NCAM2: variants seen among roughly 807,000 people sequenced by gnomAD.
NCAM2 encodes the protein N-CAM-2.
Under a neutral mutation model 98.1 loss-of-function variants are expected in NCAM2, and 30 were observed. The ratio of observed to expected loss-of-function variants is 0.31; its 90% CI spans 0.23 to 0.41. The LOEUF is 0.41. Among genes scored for constraint, NCAM2 ranks in the 10% least tolerant of loss-of-function variants. NCAM2 has a pLI of 1.00. For synonymous variants in NCAM2, 368 were observed against 342.4 expected (o/e 1.07, Z -0.83); for missense variants, 867 against 1,005.8 (o/e 0.86, Z 1.87).
intron 1 of NCAM2, among the ~76,000 whole-genome samples, chr21:21,248,776 CAAAAAAAAAAAAAAAAAAAAA>C (rs1171857115): frequency 2.6e-4 from 13 of 50,680 alleles, no homozygotes; most frequent in East Asian, 9.1e-4. Context: ...GACTCTGTCT[CAAAAAAAAAAAAAAAAAAAAA>C]AAAAAAAAAA....
chr21:21,114,580 G>A (rs1352401352), intron 1 of NCAM2, among the ~76,000 whole-genome samples: 3 of 152,166 alleles, frequency 2.0e-5, no homozygotes, highest in Non-Finnish European at 2.9e-5. Context: ...TAAGTCTAAA[G>A]AGCATGGCAG....
chr21:21,265,971 T>G (rs148735675), intron 1 of NCAM2, among the ~76,000 whole-genome samples: 1 of 152,272 alleles, frequency 6.6e-6, no homozygotes, highest in Non-Finnish European at 1.5e-5. Flanking sequence ...GATGTAATGA[T>G]TGAATGAAAA....
At chr21:21,199,615 A>T (rs2147012773) in intron 1 of NCAM2, among the ~76,000 whole-genome samples, 1 of 152,322 alleles carries the variant, frequency 6.6e-6, no homozygotes, top group South Asian at 2.1e-4. Flanking sequence ...AGTCCCAATC[A>T]ACTTTGAATG....
At chr21:21,085,662 A>G (rs1274958047) in intron 1 of NCAM2, among the ~76,000 whole-genome samples, 1 of 152,122 alleles carries the variant, frequency 6.6e-6, no homozygotes, top group Non-Finnish European at 1.5e-5. Context: ...GAGTGATTAC[A>G]GCTTTTTAAA....
chr21:21,298,778 G>T (rs1476341892), intron 5 of NCAM2, among the ~76,000 whole-genome samples: 1 of 151,548 alleles, frequency 6.6e-6, no homozygotes, highest in Non-Finnish European at 1.5e-5. Flanking sequence ...TACACTTAGT[G>T]TCATAATATC....
chr21:21,276,034 A>G (rs1471816129), intron 1 of NCAM2, among the ~76,000 whole-genome samples: 1 of 152,124 alleles, frequency 6.6e-6, no homozygotes, highest in Non-Finnish European at 1.5e-5. Context: ...TGAACACTTC[A>G]GCCTTACCCA....
At position 21,232,579 on chromosome 21, in the gene NCAM2, C is replaced by T. The variant is rs115495742; in HGVS notation, c.56-47999C>T. On this transcript the variant is annotated intron_variant, in intron 1 of 17. Coordinates refer to ENST00000400546, the MANE Select transcript of NCAM2 (RefSeq NM_004540.5). ...GATTTAGAGTATTTAAAAATACAGC[C>T]AATGATCTTAGGAAAATTTAACTTG... Among the ~76,000 whole-genome samples, 557 of 151,432 alleles carry T rather than the reference C, an allele frequency of 3.7e-3. 4 individuals are homozygous for T. The highest frequency in any genetic ancestry group is 0.012 in the African/African-American group (502 of 41,398).
At chr21:21,425,748 T>A (rs1221241210) in intron 11 of NCAM2, among the ~76,000 whole-genome samples, 1 of 152,092 alleles carries the variant, frequency 6.6e-6, no homozygotes, top group Non-Finnish European at 1.5e-5. Flanking sequence ...TAAATAATAA[T>A]TTGGATTTGG....
chr21:21,402,721 C>G (rs1318659763), intron 9 of NCAM2, among the ~76,000 whole-genome samples: 1 of 152,106 alleles, frequency 6.6e-6, no homozygotes, highest in African/African-American at 2.4e-5. Flanking sequence ...GATGTCACCC[C>G]TAGTGGCCCA....
At chr21:21,336,025 C>G (rs2074857870) in intron 7 of NCAM2, among the ~76,000 whole-genome samples, 1 of 151,964 alleles carries the variant, frequency 6.6e-6, no homozygotes, top group African/African-American at 2.4e-5. Context: ...ATTTTTAAGG[C>G]TACAATTTAA....
intron 1 of NCAM2, among the ~76,000 whole-genome samples, chr21:21,244,698 T>G (rs57170030): frequency 0.014 from 2,110 of 151,416 alleles, 44 homozygotes; most frequent in African/African-American, 0.049. Context: ...AATACAGAAA[T>G]TAGCCGGGAG....
chr21:21,369,183 C>A (rs115400013), intron 8 of NCAM2, among the ~76,000 whole-genome samples: 2,218 of 151,828 alleles, frequency 0.015, 53 homozygotes, highest in African/African-American at 0.05. Context: ...TATAGATTTG[C>A]CTATTCTGGA....
In NCAM2 at chr21:21,292,131, A is replaced by T; in HGVS notation, c.509A>T (p.Asn170Ile). Residue 170 changes from asparagine (N) to isoleucine (I), a missense_variant, in exon 5 of 18, where the codon AAC becomes ATC. Physicochemically the swap from Asn to Ile is moderately radical, Grantham distance 149. Coordinates refer to ENST00000400546, the MANE Select transcript of NCAM2 (RefSeq NM_004540.5). ...DNRFAMLANN[N>I]LQILNINKSD... ...CGGTTCGCTATGTTAGCAAACAATAACCTGCAGATTCTCAACATCAATAAA... is the reference window on the plus strand; with the variant it reads ...CGGTTCGCTATGTTAGCAAACAATATCCTGCAGATTCTCAACATCAATAAA... The T allele has an allele frequency of 6.2e-7, 1 of 1,611,056 alleles. No individual in the cohort carries two copies.
chr21:21,192,024 C>A (rs1025983059), intron 1 of NCAM2, among the ~76,000 whole-genome samples: 1 of 152,052 alleles, frequency 6.6e-6, no homozygotes, highest in Non-Finnish European at 1.5e-5. Context: ...GAGTTTGAGA[C>A]CATCCTGGCT....
chr21:21,484,781 C>T (rs1457130615), intron 15 of NCAM2, among the ~76,000 whole-genome samples: 2 of 152,076 alleles, frequency 1.3e-5, no homozygotes, highest in African/African-American at 4.8e-5. Context: ...GAAATTCAAT[C>T]GGGATTGCTA....
intron 14 of NCAM2, among the ~76,000 whole-genome samples, chr21:21,470,526 CA>C (rs1057000848): frequency 2.0e-5 from 3 of 152,028 alleles, no homozygotes; most frequent in Non-Finnish European, 4.4e-5. Flanking sequence ...AAAGTTTAAA[CA>C]AGAACAAATT....
chr21:21,503,278 A>G (rs1987752688), intron 15 of NCAM2, among the ~76,000 whole-genome samples: 1 of 151,960 alleles, frequency 6.6e-6, no homozygotes, highest in Non-Finnish European at 1.5e-5. Flanking sequence ...TGTTATTAAA[A>G]TAGAACAATT....
intron 9 of NCAM2, among the ~76,000 whole-genome samples, chr21:21,394,442 T>G (rs1412718259): frequency 6.7e-6 from 1 of 149,282 alleles, no homozygotes; most frequent in Non-Finnish European, 1.5e-5. Flanking sequence ...AATGTGCAGT[T>G]AGACCTTAGT....
intron 12 of NCAM2, among the ~76,000 whole-genome samples, chr21:21,436,481 G>T (rs1247318838): frequency 6.6e-6 from 1 of 152,120 alleles, no homozygotes; most frequent in East Asian, 1.9e-4. Context: ...ATATTGTATT[G>T]TGCATATTTT....
Sources: gnomAD v4.1 joint callset for allele counts (sites outside exome capture counted in the v4.1 genomes callset) on GRCh38, gnomAD v4.1.1 for gene constraint, MANE v1.5 for transcripts, NCBI Gene and HGNC (gene_info 2026-07-23, HGNC 2026-07-21) for gene names.